The following KCND2 variants were observed in gnomAD, a reference collection of about 807,000 sequenced individuals.
KCND2 encodes the protein A-type voltage-gated potassium channel KCND2.
In KCND2, 16 loss-of-function variants were observed where a neutral mutation model predicts 54.4. The observed-to-expected ratio is 0.29, with a 90% CI of 0.20 to 0.45. KCND2 has a LOEUF of 0.45. Among genes scored for constraint, KCND2 ranks in the 20% least tolerant of loss-of-function variants. The probability of loss-of-function intolerance (pLI) is 1.00; values close to 1 mark genes in which losing one functional copy is unlikely to be tolerated. For missense variants in KCND2, 486 were observed against 824.2 expected (o/e 0.59, Z 5.02); for synonymous variants, 317 against 310.7 (o/e 1.02, Z -0.21).
At chr7:120,528,200 G>A (rs1791800346) in intron 1 of KCND2, among the ~76,000 whole-genome samples, 1 of 152,052 alleles carries the variant, frequency 6.6e-6, no homozygotes, top group African/African-American at 2.4e-5. Context: ...ATTGGATCAG[G>A]AAAGCTTCTT....
chr7:120,431,572 G>A (rs551607755), intron 1 of KCND2, among the ~76,000 whole-genome samples: 11 of 152,228 alleles, frequency 7.2e-5, no homozygotes, highest in East Asian at 1.9e-4. Context: ...GGATCATCTC[G>A]CAATTCTTGT....
intron 1 of KCND2, among the ~76,000 whole-genome samples, chr7:120,451,847 C>T (rs1402913542): frequency 6.6e-6 from 1 of 152,180 alleles, no homozygotes; most frequent in Admixed American, 6.5e-5. Context: ...TTCTAGAAAT[C>T]TCACCAGCTT....
intron 1 of KCND2, among the ~76,000 whole-genome samples, chr7:120,510,537 A>G (rs796662780): frequency 6.6e-5 from 10 of 152,220 alleles, no homozygotes; most frequent in African/African-American, 2.4e-4. Context: ...ATATACATTT[A>G]TTCATTAATA....
intron 1 of KCND2, among the ~76,000 whole-genome samples, chr7:120,531,208 C>T (rs982514061): frequency 6.6e-6 from 1 of 152,078 alleles, no homozygotes; most frequent in Non-Finnish European, 1.5e-5. Flanking sequence ...CCTCCAACAT[C>T]GTGTCTCCTC....
At position 120,746,270 on chromosome 7, in the gene KCND2, A is replaced by T. The variant is rs147769800; in HGVS notation, c.1715+243A>T. Among the ~76,000 whole-genome samples the T allele has an allele frequency of 4.6e-3, 699 of 152,272 alleles. 5 individuals are homozygous for T. The Middle Eastern group carries it at 0.048, about 10-fold the overall frequency. ...AGAAGAGATGATTGAGTGCACACAA[A>T]TGTGTTTTTCTCTCTTCTGTTCCAC... On this transcript the variant is annotated intron_variant, in intron 5 of 5. Coordinates refer to ENST00000331113, the MANE Select transcript of KCND2 (RefSeq NM_012281.3).
chr7:120,661,404 T>C (rs570879067), intron 1 of KCND2, among the ~76,000 whole-genome samples: 2 of 152,094 alleles, frequency 1.3e-5, no homozygotes, highest in Non-Finnish European at 2.9e-5. Context: ...ATCCCAGCAC[T>C]TTGGGAGGCC....
intron 1 of KCND2, among the ~76,000 whole-genome samples, chr7:120,610,917 CA>C (rs1792946186): frequency 1.3e-5 from 2 of 152,124 alleles, no homozygotes; most frequent in Non-Finnish European, 2.9e-5. Context: ...TCTCTTCACC[CA>C]CTTGGCTATT....
At chr7:120,465,639 CAAA>C (rs1176053055) in intron 1 of KCND2, among the ~76,000 whole-genome samples, 3 of 152,114 alleles carry the variant, frequency 2.0e-5, no homozygotes, top group Non-Finnish European at 2.9e-5. Context: ...GTGTTTGAAA[CAAA>C]GAAGTGGAGC....
At chr7:120,702,052 G>A (rs1307074873) in intron 1 of KCND2, among the ~76,000 whole-genome samples, 1 of 151,972 alleles carries the variant, frequency 6.6e-6, no homozygotes, top group Non-Finnish European at 1.5e-5. Flanking sequence ...CAAAAACTAT[G>A]TACCTGACAA....
At chr7:120,646,061 G>T (rs897237657) in intron 1 of KCND2, among the ~76,000 whole-genome samples, 9 of 152,192 alleles carry the variant, frequency 5.9e-5, no homozygotes, top group African/African-American at 2.2e-4. Context: ...TCTTCAGAAA[G>T]ATAAAAATGT....
chr7:120,394,913 T>A (rs959426424), intron 1 of KCND2, among the ~76,000 whole-genome samples: 21 of 152,034 alleles, frequency 1.4e-4, no homozygotes, highest in Non-Finnish European at 2.9e-4. Flanking sequence ...TAAGTTTCTT[T>A]TAATTTTTCT....
At chr7:120,471,852 TACTC>T (rs1584792858) in intron 1 of KCND2, among the ~76,000 whole-genome samples, 1 of 151,998 alleles carries the variant, frequency 6.6e-6, no homozygotes, top group African/African-American at 2.4e-5. Flanking sequence ...CATATGGTAA[TACTC>T]AGTAAAACAA....
At chr7:120,325,619 A>G (rs548624764) in intron 1 of KCND2, among the ~76,000 whole-genome samples, 14 of 152,006 alleles carry the variant, frequency 9.2e-5, no homozygotes, top group African/African-American at 2.9e-4. Context: ...ATTTGCGTAT[A>G]TTGAACCAGC....
intron 1 of KCND2, among the ~76,000 whole-genome samples, chr7:120,701,256 A>T (rs1792398657): frequency 8.0e-6 from 1 of 125,086 alleles, no homozygotes; most frequent in Non-Finnish European, 1.7e-5. Flanking sequence ...AAAAAAAAAA[A>T]AAAAAAAAAA....
intron 1 of KCND2, among the ~76,000 whole-genome samples, chr7:120,424,488 A>G (rs1801672736): frequency 6.6e-6 from 1 of 152,238 alleles, no homozygotes; most frequent in African/African-American, 2.4e-5. Context: ...ATCACCACAA[A>G]TTAAAGTGGT....
chr7:120,382,716 A>T (rs893399005), intron 1 of KCND2, among the ~76,000 whole-genome samples: 5 of 151,906 alleles, frequency 3.3e-5, no homozygotes, highest in African/African-American at 7.2e-5. Context: ...ACTAAGTAAC[A>T]GTCACAATAG....
intron 1 of KCND2, among the ~76,000 whole-genome samples, chr7:120,644,325 G>A (rs886859405): frequency 5.3e-5 from 8 of 152,116 alleles, no homozygotes; most frequent in Admixed American, 5.2e-4. Context: ...CATTTCCGAG[G>A]CGCAGAAATA....
intron 1 of KCND2, among the ~76,000 whole-genome samples, chr7:120,417,435 T>G (rs1467068218): frequency 6.6e-6 from 1 of 152,192 alleles, no homozygotes; most frequent in Non-Finnish European, 1.5e-5. Context: ...AAAGATTTAT[T>G]GAGACCTTAC....
Position 120,560,877 on chromosome 7 carries a change from G to A in KCND2, c.1116-172026G>A, listed in dbSNP as rs904230470. On this transcript the variant is annotated intron_variant, in intron 1 of 5. Transcript: ENST00000331113. ...TTTGCTAATTTTAGAGAAGAAAATCGAATTCAGAGAAGTTGTATGTGACTA... is the reference window on the plus strand; with the variant it reads ...TTTGCTAATTTTAGAGAAGAAAATCAAATTCAGAGAAGTTGTATGTGACTA... 1.4e-4 allele frequency among the ~76,000 whole-genome samples: 21 copies of A among 152,230 alleles called. 1 individual carries two copies. The highest frequency in any genetic ancestry group is 6.2e-4 in the South Asian group (3 of 4,818).
Sources: allele counts gnomAD v4.1 joint callset (sites outside exome capture counted in the v4.1 genomes callset), GRCh38; gene constraint gnomAD v4.1.1; transcripts MANE v1.5; gene names NCBI Gene and HGNC (gene_info 2026-07-23, HGNC 2026-07-21).